The following RABGAP1 variants were observed in gnomAD, a reference collection of about 807,000 sequenced individuals.
RABGAP1 encodes the protein RAB GTPase activating protein 1.
In RABGAP1, 23 loss-of-function variants were observed where a neutral mutation model predicts 137.6. That is an observed-to-expected ratio of 0.17 (90% CI 0.12 to 0.24). The LOEUF (loss-of-function observed/expected upper bound fraction) is 0.24. RABGAP1 is among the 10% of genes least tolerant of loss of function. RABGAP1 has a pLI of 1.00. For missense variants in RABGAP1, 906 were observed against 1,275.8 expected, an observed-to-expected ratio of 0.71 and a Z score of 4.42; for synonymous variants, 451 against 450.7, an observed-to-expected ratio of 1.00 and a Z score of -0.01.
At chr9:122,967,013 A>G (rs1043502885) in intron 2 of RABGAP1, among the ~76,000 whole-genome samples, 1 of 152,154 alleles carries the variant, frequency 6.6e-6, no homozygotes, top group Non-Finnish European at 1.5e-5. Context: ...ACACATGGGA[A>G]TTGGGGGAGT....
chr9:123,103,608 T>TATATATATATATATAC lies in RABGAP1; in HGVS notation c.*410_*411insCATATATATATATATA. On this transcript the variant is annotated 3_prime_UTR_variant, in exon 26 of 26. Coordinates refer to ENST00000373647, the MANE Select transcript of RABGAP1 (RefSeq NM_012197.4). ...ATATACATATATATATATATATATATATATATATATATATATATATATATA... is the reference window on the plus strand; with the variant it reads ...ATATACATATATATATATATATATATATATATATATATATACATATATATATATATATATATATATA... The TATATATATATATATAC allele has an allele frequency of 2.3e-5, 2 of 87,590 alleles. No individual in the cohort carries two copies. Among genetic ancestry groups the TATATATATATATATAC allele is most frequent in the African/African-American group, 8.3e-5 (2 of 24,132 alleles). The allele number at this position is 87,590 out of a possible 1,614,324, so 5.4% of individuals were successfully genotyped here. A position where few individuals can be genotyped will look rare whatever the true frequency, so the allele number is the denominator to read the frequency against.
intron 13 of RABGAP1, among the ~76,000 whole-genome samples, chr9:123,039,216 TGAGAAG>T (rs1564152871): frequency 6.6e-6 from 1 of 152,162 alleles, no homozygotes; most frequent in Non-Finnish European, 1.5e-5. Context: ...ATCCCAGACT[TGAGAAG>T]AGAAGCAAAA....
At position 123,057,217 on chromosome 9, in the gene RABGAP1, G is replaced by T. The variant is rs548352834; in HGVS notation, c.1795-8131G>T. ...CGGAGACGCTCCTCACTTCCCAGAC[G>T]GGGTGGCTGCCGGGCGGAGGGGCTC... On this transcript the variant is annotated intron_variant, in intron 13 of 25. Coordinates refer to ENST00000373647, the MANE Select transcript of RABGAP1 (RefSeq NM_012197.4). Among the ~76,000 whole-genome samples the T allele has an allele frequency of 1.4e-4, 21 of 151,826 alleles. No homozygotes were observed. The South Asian group carries it at 4.4e-3, about 32-fold the overall frequency.
chr9:123,028,168 A>T (rs920570160), intron 13 of RABGAP1, among the ~76,000 whole-genome samples: 1 of 152,240 alleles, frequency 6.6e-6, no homozygotes, highest in African/African-American at 2.4e-5. Flanking sequence ...AACAGTTACC[A>T]TGCTGGGGTT....
chr9:122,998,459 AT>A, intron 9 of RABGAP1, 137 bp from the exon 10 acceptor site: 6 of 702,392 alleles, frequency 8.5e-6, no homozygotes, highest in Non-Finnish European at 1.1e-5. Flanking sequence ...TTGTCTAGTT[AT>A]TTTACATGTT....
chr9:123,103,209 G>A lies in RABGAP1; in HGVS notation c.3206G>A (p.Cys1069Tyr). 6.2e-7 allele frequency: 1 copy of A among 1,613,742 alleles called. No homozygotes were observed. Among genetic ancestry groups the A allele is most frequent in the Non-Finnish European group, 8.5e-7 (1 of 1,179,876 alleles). Residue 1069 changes from cysteine (C) to tyrosine (Y), a missense_variant, in exon 26 of 26, where the codon TGC becomes TAC. Physicochemically the swap from Cys to Tyr is radical, Grantham distance 194. Transcript: ENST00000373647. ...TATGVQGKET[C>Y] ...ACCGGGGTTCAAGGGAAAGAGACTT[G>A]CTGAGAGCAGCTGCCGCCTCCCGAC...
At chr9:123,075,157 A>T (rs1185029100) in intron 17 of RABGAP1, among the ~76,000 whole-genome samples, 2 of 152,116 alleles carry the variant, frequency 1.3e-5, no homozygotes, top group Non-Finnish European at 2.9e-5. Context: ...AAAATACTAC[A>T]AATCCCACTG....
chr9:122,963,422 C>T (rs547175469), intron 2 of RABGAP1, among the ~76,000 whole-genome samples: 3 of 151,968 alleles, frequency 2.0e-5, no homozygotes. Context: ...CAAGTGCACC[C>T]AAAGTATTAA....
chr9:123,052,574 C>G (rs1260973083), intron 13 of RABGAP1, among the ~76,000 whole-genome samples: 2 of 152,300 alleles, frequency 1.3e-5, no homozygotes, highest in South Asian at 2.1e-4. Context: ...CTTCATGAAG[C>G]TTAACATTCT....
At chr9:122,976,765 T>C (rs1250608985) in intron 2 of RABGAP1, among the ~76,000 whole-genome samples, 1 of 152,214 alleles carries the variant, frequency 6.6e-6, no homozygotes, top group East Asian at 1.9e-4. Context: ...ACAAATATTT[T>C]CTAAAACAAG....
intron 25 of RABGAP1, among the ~76,000 whole-genome samples, chr9:123,102,528 G>C (rs1282334541): frequency 6.6e-6 from 1 of 152,190 alleles, no homozygotes; most frequent in African/African-American, 2.4e-5. Flanking sequence ...GCATCACCAA[G>C]GCAGCAGTAG....
At chr9:123,005,094 G>C (rs2030114008) in intron 10 of RABGAP1, among the ~76,000 whole-genome samples, 1 of 149,376 alleles carries the variant, frequency 6.7e-6, no homozygotes, top group African/African-American at 2.5e-5. Context: ...AAGTCTTGCA[G>C]TTAATAATAG....
intron 12 of RABGAP1, 101 bp downstream of exon 12, chr9:123,015,737 T>G (rs1221197198): frequency 1.4e-6 from 1 of 692,968 alleles, no homozygotes. Context: ...AGTAGAAACC[T>G]AAGCGCAATG....
chr9:123,057,278 G>C (rs551988454), intron 13 of RABGAP1, among the ~76,000 whole-genome samples: 1 of 146,138 alleles, frequency 6.8e-6, no homozygotes, highest in Non-Finnish European at 1.5e-5. Context: ...TGGGCGGAGG[G>C]GCTCCTCACT....
intron 13 of RABGAP1, among the ~76,000 whole-genome samples, chr9:123,041,128 CT>C (rs1356038766): frequency 2.6e-5 from 4 of 152,150 alleles, no homozygotes; most frequent in African/African-American, 9.7e-5. Context: ...AATTGAGACT[CT>C]TTATGTTTCA....
At chr9:122,954,537 T>A (rs1834408852) in intron 1 of RABGAP1, among the ~76,000 whole-genome samples, 1 of 152,220 alleles carries the variant, frequency 6.6e-6, no homozygotes, top group African/African-American at 2.4e-5. Context: ...GTACATTGTT[T>A]TTGAGTCCAG....
At chr9:123,076,199 C>T (rs116282187) in intron 17 of RABGAP1, 46 bp from the exon 18 acceptor site, 47 of 1,569,496 alleles carry the variant, frequency 3.0e-5, no homozygotes, top group African/African-American at 1.9e-4. Flanking sequence ...GCATAATAGT[C>T]GAGATATAAA....
At chr9:123,076,493 G>T in intron 18 of RABGAP1, 141 bp from the exon 19 acceptor site, 2 of 1,062,166 alleles carry the variant, frequency 1.9e-6, no homozygotes, top group Non-Finnish European at 2.7e-6. Flanking sequence ...AACAGTGGAT[G>T]TATGCAGGTG....
intron 14 of RABGAP1, among the ~76,000 whole-genome samples, chr9:123,069,277 A>T (rs975476554): frequency 6.6e-6 from 1 of 152,238 alleles, no homozygotes; most frequent in Admixed American, 6.5e-5. Flanking sequence ...GGAAAGAATT[A>T]TATTTTGGTG....
Sources: allele counts gnomAD v4.1 joint callset (sites outside exome capture counted in the v4.1 genomes callset), GRCh38; gene constraint gnomAD v4.1.1; transcripts MANE v1.5; gene names NCBI Gene and HGNC (gene_info 2026-07-23, HGNC 2026-07-21).